Variants in SMIM20 observed in about 807,000 individuals in gnomAD.
SMIM20 encodes the protein mitochondrial translation regulation assembly intermediate of cytochrome c oxidase protein of 7 kDa.
A neutral mutation model predicts 8.7 loss-of-function variants in SMIM20; 3 were observed. That is an observed-to-expected ratio of 0.34 (90% CI 0.16 to 0.89). SMIM20 has a LOEUF of 0.89. SMIM20 is among the 40% of genes least tolerant of loss of function. SMIM20 has a pLI of 0.49. For missense variants in SMIM20, 85 were observed against 84.8 expected (o/e 1.00, Z -0.01); for synonymous variants, 44 against 33.6 (o/e 1.31, Z -1.07).
At chr4:25,915,309 C>T (rs1719064117) in intron 1 of SMIM20, among the ~76,000 whole-genome samples, 1 of 152,102 alleles carries the variant, frequency 6.6e-6, no homozygotes, top group South Asian at 2.1e-4. Context: ...CATCTGAAAC[C>T]ATCTGTCAGA....
intron 1 of SMIM20, among the ~76,000 whole-genome samples, chr4:25,924,257 G>C (rs756068139): frequency 1.3e-5 from 2 of 152,184 alleles, no homozygotes; most frequent in Non-Finnish European, 2.9e-5. Flanking sequence ...TTAAAAGATA[G>C]CTTCTTTGAA....
chr4:25,917,247 C>T (rs1328060664), intron 1 of SMIM20, among the ~76,000 whole-genome samples: 1 of 151,922 alleles, frequency 6.6e-6, no homozygotes, highest in Non-Finnish European at 1.5e-5. Flanking sequence ...ATGAATGACC[C>T]TCATCTAAGT....
chr4:25,918,974 G>A (rs1263923080), intron 1 of SMIM20, among the ~76,000 whole-genome samples: 1 of 126,164 alleles, frequency 7.9e-6, no homozygotes, highest in South Asian at 2.6e-4. Flanking sequence ...GCGCAATCTC[G>A]GCTCACTGCA....
chr4:25,925,263 G>T (rs1472743473), intron 1 of SMIM20, among the ~76,000 whole-genome samples: 2 of 152,074 alleles, frequency 1.3e-5, no homozygotes, highest in African/African-American at 2.4e-5. Context: ...TTGAGACAGA[G>T]TTTTGCTCTT....
chr4:25,920,155 A>G (rs1719171541), intron 1 of SMIM20, among the ~76,000 whole-genome samples: 1 of 152,230 alleles, frequency 6.6e-6, no homozygotes, highest in East Asian at 1.9e-4. Context: ...GCTTAATTAC[A>G]GTGCTCCAGT....
chr4:25,914,364 G>A lies in SMIM20; in HGVS notation c.51G>A (p.Leu17=), dbSNP rs953530458. The part of the protein sequence containing the change: ...TALIFGGFIS[L]IGAAFYPIYF... ...TCATTTTCGGCGGCTTCATCTCCCT[G>A]ATCGGCGCCGCCTTCTATCCCATCT... The change falls in exon 1 of 3, where the codon CTG becomes CTA. Residue 17 remains leucine, a synonymous_variant. Coordinates refer to ENST00000506197, the MANE Select transcript of SMIM20 (RefSeq NM_001145432.3). 2 of 1,549,112 alleles carry A rather than the reference G, an allele frequency of 1.3e-6. No individual in the cohort carries two copies. Among genetic ancestry groups the A allele is most frequent in the African/African-American group, 2.7e-5 (2 of 73,004 alleles).
chr4:25,922,598 GT>G (rs1182142670), intron 1 of SMIM20, among the ~76,000 whole-genome samples: 3 of 152,170 alleles, frequency 2.0e-5, no homozygotes, highest in Non-Finnish European at 4.4e-5. Flanking sequence ...AGCCACTCCT[GT>G]TAGCCTTTCT....
intron 1 of SMIM20, among the ~76,000 whole-genome samples, chr4:25,924,633 C>T (rs1719255610): frequency 6.6e-6 from 1 of 152,108 alleles, no homozygotes; most frequent in East Asian, 1.9e-4. Flanking sequence ...TACATATATA[C>T]AGATATAGTT....
At chr4:25,928,636 G>A (rs1321604868) in intron 2 of SMIM20, among the ~76,000 whole-genome samples, 2 of 152,232 alleles carry the variant, frequency 1.3e-5, no homozygotes, top group African/African-American at 4.8e-5. Flanking sequence ...GTTAACAAGT[G>A]CGTGATTCGA....
rs1711588602 is a variant in SMIM20, at chr4:25,929,286, C to T, written c.*95C>T. ...CAGTCACCTCACCAGAGAATGACGG[C>T]TGGAGAAGAAAACTCTGTAATACCA... On this transcript the variant is annotated 3_prime_UTR_variant, in exon 3 of 3. Coordinates refer to ENST00000506197, the MANE Select transcript of SMIM20 (RefSeq NM_001145432.3). 7.4e-7 allele frequency: 1 copy of T among 1,345,212 alleles called. No homozygotes were observed. The highest frequency in any genetic ancestry group is 2.5e-5 in the East Asian group (1 of 39,750). The allele number at this position is 1,345,212 out of a possible 1,614,324, so 83.3% of individuals were successfully genotyped here.
intron 1 of SMIM20, among the ~76,000 whole-genome samples, chr4:25,924,487 A>G (rs1719252797): frequency 6.6e-6 from 1 of 152,170 alleles, no homozygotes; most frequent in Admixed American, 6.5e-5. Flanking sequence ...ATAAATAAAT[A>G]AACAAAAGAA....
Position 25,929,317 on chromosome 4 carries a change from A to T in SMIM20, c.*126A>T. The T allele has an allele frequency of 1.1e-6, 1 of 889,278 alleles. No homozygotes were observed. The allele number at this position is 889,278 out of a possible 1,614,324, so 55.1% of individuals were successfully genotyped here. On this transcript the variant is annotated 3_prime_UTR_variant, in exon 3 of 3. Transcript: ENST00000506197. ...AAGAAAACTCTGTAATACCATAAAT[A>T]AGAGTGCTTGTAATAAAAGACTGTG...
rs182151710 is a variant in SMIM20, at chr4:25,921,354, G to A, written c.109+6932G>A. 2.6e-3 allele frequency among the ~76,000 whole-genome samples: 395 copies of A among 152,180 alleles called. 4 individuals carry two copies. Among genetic ancestry groups the A allele is most frequent in the Non-Finnish European group, 2.2e-3 (149 of 67,992 alleles). On this transcript the variant is annotated intron_variant, in intron 1 of 2. Transcript: ENST00000506197. The stretch of plus-strand genomic sequence containing the variant: ...TTCAAACCAGCCTGAGCAACATGGC[G>A]CGACCCTGTCTCATTTAAAAAAAAG...
chr4:25,925,815 A>G (rs924686024), intron 1 of SMIM20, among the ~76,000 whole-genome samples: 1 of 152,180 alleles, frequency 6.6e-6, no homozygotes, highest in African/African-American at 2.4e-5. Flanking sequence ...GTTTTTAAAG[A>G]CTTCAACATT....
intron 1 of SMIM20, among the ~76,000 whole-genome samples, chr4:25,917,911 C>G (rs1169954130): frequency 3.4e-5 from 5 of 148,708 alleles, no homozygotes; most frequent in Non-Finnish European, 5.9e-5. Flanking sequence ...TCAAGACTTG[C>G]TTTGGGGCCT....
intron 1 of SMIM20, among the ~76,000 whole-genome samples, chr4:25,926,334 T>G (rs1283647223): frequency 6.6e-6 from 1 of 152,204 alleles, no homozygotes; most frequent in Non-Finnish European, 1.5e-5. Flanking sequence ...CCTTAGAGTA[T>G]TTATAAAACA....
intron 1 of SMIM20, among the ~76,000 whole-genome samples, chr4:25,924,229 T>A (rs956828590): frequency 8.5e-5 from 13 of 152,174 alleles, no homozygotes; most frequent in African/African-American, 2.9e-4. Context: ...TTGAAAAAAA[T>A]TTTATATTTG....
At chr4:25,914,985 G>A (rs766872440) in intron 1 of SMIM20, among the ~76,000 whole-genome samples, 23 of 152,168 alleles carry the variant, frequency 1.5e-4, no homozygotes, top group Non-Finnish European at 2.4e-4. Flanking sequence ...GACTGGGGGA[G>A]CCAGATGGAA....
At chr4:25,917,652 G>A (rs1267698185) in intron 1 of SMIM20, among the ~76,000 whole-genome samples, 4 of 152,184 alleles carry the variant, frequency 2.6e-5, no homozygotes, top group African/African-American at 9.7e-5. Context: ...TGTGCTGGGT[G>A]TGGACTGCAC....
Sources: allele counts gnomAD v4.1 joint callset (sites outside exome capture counted in the v4.1 genomes callset), GRCh38; gene constraint gnomAD v4.1.1; transcripts MANE v1.5; gene names NCBI Gene and HGNC (gene_info 2026-07-23, HGNC 2026-07-21).